Variants in CBFA2T2 observed in about 807,000 individuals in gnomAD.
The protein encoded by CBFA2T2 is protein CBFA2T2.
In CBFA2T2, 11 loss-of-function variants were observed where a neutral mutation model predicts 62.2. The observed-to-expected ratio is 0.18, with a 90% CI of 0.11 to 0.29. CBFA2T2 has a LOEUF of 0.29. Ranked by LOEUF, CBFA2T2 falls within the 10% of genes least tolerant of loss-of-function variation. The pLI is 1.00. For missense variants in CBFA2T2, 592 were observed against 774.1 expected, an observed-to-expected ratio of 0.76 and a Z score of 2.79; for synonymous variants, 295 against 287.5, an observed-to-expected ratio of 1.03 and a Z score of -0.27.
At chr20:33,575,944 A>AT (rs879830332) in intron 1 of CBFA2T2, among the ~76,000 whole-genome samples, 355 of 144,374 alleles carry the variant, frequency 2.5e-3, no homozygotes, top group African/African-American at 5.8e-3. Context: ...CGCCTGGCTA[A>AT]TTTTTTTTTT....
rs1193633224 is a variant in CBFA2T2 at position 33,601,167 on chromosome 20, GTCTCCCAAAGTCTTGGGAT to G, written c.35-5787_35-5769del. Among the ~76,000 whole-genome samples the G allele has an allele frequency of 2.0e-5, 3 of 152,110 alleles. No individual in the cohort carries two copies. In the East Asian group the frequency reaches 5.8e-4, roughly 29 times the overall value. On this transcript the variant is annotated intron_variant, in intron 1 of 10. Coordinates refer to ENST00000342704, the MANE Select transcript of CBFA2T2 (RefSeq NM_001032999.3). ...CTGTTAGTCTAATCCGCCCACCTCA[GTCTCCCAAAGTCTTGGGAT>G]TACAGGCAGGAGCCACCCACGCCCA...
intron 1 of CBFA2T2, among the ~76,000 whole-genome samples, chr20:33,540,256 T>C (rs943424027): frequency 6.6e-6 from 1 of 152,226 alleles, no homozygotes. Context: ...TATAGTCTTA[T>C]GTCTTTTAAC....
intron 1 of CBFA2T2, among the ~76,000 whole-genome samples, chr20:33,494,918 C>A (rs760025535): frequency 1.3e-5 from 2 of 152,036 alleles, no homozygotes; most frequent in African/African-American, 2.4e-5. Context: ...TTATAACATA[C>A]AAAAATAGAC....
chr20:33,640,828 A>C (rs2016808600), intron 10 of CBFA2T2, among the ~76,000 whole-genome samples: 1 of 152,106 alleles, frequency 6.6e-6, no homozygotes, highest in South Asian at 2.1e-4. Flanking sequence ...AGTTTGTGTG[A>C]TTGCACGATG....
chr20:33,573,946 A>C, intron 1 of CBFA2T2: 1 of 397,530 alleles, frequency 2.5e-6, no homozygotes. Context: ...ATACCTGGCT[A>C]ATTTTTCTTA....
intron 1 of CBFA2T2, among the ~76,000 whole-genome samples, chr20:33,551,514 C>G (rs138397466): frequency 1.5e-3 from 221 of 151,872 alleles, no homozygotes; most frequent in Non-Finnish European, 2.4e-3. Flanking sequence ...CCACACCCAG[C>G]TCTGTGCTTT....
intron 1 of CBFA2T2, among the ~76,000 whole-genome samples, chr20:33,552,127 A>C (rs1261393036): frequency 6.6e-6 from 1 of 150,808 alleles, no homozygotes; most frequent in African/African-American, 2.4e-5. Context: ...TGTAATGCTC[A>C]GTGTGTGAAG....
At chr20:33,541,869 G>C (rs1487808418) in intron 1 of CBFA2T2, among the ~76,000 whole-genome samples, 1 of 151,982 alleles carries the variant, frequency 6.6e-6, no homozygotes. Context: ...TAGTGCTACA[G>C]GTTTTTGTTT....
intron 1 of CBFA2T2, among the ~76,000 whole-genome samples, chr20:33,512,860 T>A (rs1384125051): frequency 6.6e-6 from 1 of 151,884 alleles, no homozygotes; most frequent in Non-Finnish European, 1.5e-5. Flanking sequence ...TCAAGCCTTT[T>A]TCCTGCCTCA....
At chr20:33,642,116 TTGTGTGTGTGTGTGTGTGTGTG>T (rs869240464) in intron 10 of CBFA2T2, among the ~76,000 whole-genome samples, 2 of 59,012 alleles carry the variant, frequency 3.4e-5, no homozygotes, top group East Asian at 7.0e-4. Context: ...TTTTTTTTTT[TTGTGTGTGTGTGTGTGTGTGTG>T]TGTGTGTGTG....
chr20:33,605,030 A>G (rs1028975731), intron 1 of CBFA2T2, among the ~76,000 whole-genome samples: 7 of 152,228 alleles, frequency 4.6e-5, no homozygotes, highest in African/African-American at 1.2e-4. Context: ...TGTTGCCCAC[A>G]TGGTTCTGAG....
At chr20:33,530,770 C>T (rs544381307) in intron 1 of CBFA2T2, among the ~76,000 whole-genome samples, 43 of 151,078 alleles carry the variant, frequency 2.8e-4, no homozygotes, top group Middle Eastern at 3.4e-3. Flanking sequence ...GAACAAAGTG[C>T]GGTGCGTGTT....
At chr20:33,599,374 A>C (rs778029740) in intron 1 of CBFA2T2, among the ~76,000 whole-genome samples, 7 of 152,220 alleles carry the variant, frequency 4.6e-5, no homozygotes, top group Non-Finnish European at 1.0e-4. Flanking sequence ...ATAGAGCAAA[A>C]AAATATTTAC....
In CBFA2T2 at chr20:33,546,473, G is replaced by C. The variant is rs143075057; in HGVS notation, c.34+56172G>C. The stretch of plus-strand genomic sequence containing the variant: ...GAGACACACTCTCTCTGTCATCCAG[G>C]CTGGAGTGTAGTAGCAGCCAGGATC... On this transcript the variant is annotated intron_variant, in intron 1 of 10. Transcript: ENST00000342704. Among the ~76,000 whole-genome samples the C allele has an allele frequency of 6.7e-3, 999 of 149,446 alleles. 12 individuals are homozygous for C. Among genetic ancestry groups the C allele is most frequent in the South Asian group, 0.031 (146 of 4,702 alleles).
intron 1 of CBFA2T2, among the ~76,000 whole-genome samples, chr20:33,496,468 A>G (rs571993348): frequency 3.3e-5 from 5 of 152,178 alleles, no homozygotes; most frequent in African/African-American, 1.2e-4. Flanking sequence ...GGTTTTGACA[A>G]TGTTTGCATT....
intron 1 of CBFA2T2, among the ~76,000 whole-genome samples, chr20:33,590,871 A>G (rs920149377): frequency 7.9e-5 from 12 of 152,072 alleles, no homozygotes; most frequent in African/African-American, 2.4e-4. Context: ...GGTGGAACCC[A>G]GGCTCTTTTA....
chr20:33,621,242 TTCTC>T (rs1282484100), intron 4 of CBFA2T2, among the ~76,000 whole-genome samples: 1 of 151,626 alleles, frequency 6.6e-6, no homozygotes, highest in African/African-American at 2.4e-5. Flanking sequence ...GAAATTTGTT[TTCTC>T]TCTTTTATGA....
At chr20:33,618,171 TC>T (rs1311349414) in intron 3 of CBFA2T2, among the ~76,000 whole-genome samples, 1 of 141,886 alleles carries the variant, frequency 7.0e-6, no homozygotes, top group African/African-American at 2.5e-5. Context: ...CTATATATTT[TC>T]CTTTTTTTTT....
intron 1 of CBFA2T2, among the ~76,000 whole-genome samples, chr20:33,528,887 C>G (rs964648971): frequency 2.0e-5 from 3 of 152,178 alleles, no homozygotes; most frequent in Non-Finnish European, 4.4e-5. Context: ...GCCTAAGAAC[C>G]AACTTAATCC....
Sources: gnomAD v4.1 joint callset for allele counts (sites outside exome capture counted in the v4.1 genomes callset) on GRCh38, gnomAD v4.1.1 for gene constraint, MANE v1.5 for transcripts, NCBI Gene and HGNC (gene_info 2026-07-23, HGNC 2026-07-21) for gene names.